COG5: variants seen among roughly 807,000 people sequenced by gnomAD.
COG5 encodes conserved oligomeric Golgi complex subunit 5.
Under a neutral mutation model 110.4 loss-of-function variants are expected in COG5, and 86 were observed. The observed-to-expected ratio is 0.78, with a 90% CI of 0.65 to 0.93. COG5 has a LOEUF of 0.93. Among genes scored for constraint, COG5 ranks in the 40% least tolerant of loss-of-function variants. The pLI, the probability that COG5 is intolerant of heterozygous loss-of-function variation, is 0.00. For missense variants in COG5, 1,077 were observed against 987.0 expected (o/e 1.09, Z -1.22); for synonymous variants, 360 against 334.6 (o/e 1.08, Z -0.83).
chr7:107,233,702 G>T (rs1800941547), intron 18 of COG5, among the ~76,000 whole-genome samples: 1 of 152,052 alleles, frequency 6.6e-6, no homozygotes, highest in Non-Finnish European at 1.5e-5. Context: ...TTTGATTTCA[G>T]TGACCTCAAT....
intron 7 of COG5, among the ~76,000 whole-genome samples, chr7:107,384,626 G>A (rs1442529965): frequency 3.3e-5 from 5 of 152,142 alleles, no homozygotes; most frequent in Admixed American, 3.3e-4. Flanking sequence ...CTGAACTAAG[G>A]AAAAGTCCTG....
chr7:107,311,247 C>T lies in COG5; in HGVS notation c.1109-12901G>A, dbSNP rs924695623. The stretch of plus-strand genomic sequence containing the variant: ...AATGTGTGAGACTGACTTTTCCTCA[C>T]GGGCTTGCCAATAGAGTATGTTATC... On this transcript the variant is annotated intron_variant, in intron 11 of 21. Coordinates refer to ENST00000297135, the MANE Select transcript of COG5 (RefSeq NM_006348.5). Among the ~76,000 whole-genome samples the T allele has an allele frequency of 3.9e-5, 6 of 152,008 alleles. No homozygotes were observed. In the East Asian group the frequency reaches 5.8e-4, roughly 15 times the overall value.
intron 12 of COG5, among the ~76,000 whole-genome samples, chr7:107,293,183 A>G (rs1562954381): frequency 6.6e-6 from 1 of 152,176 alleles, no homozygotes; most frequent in Non-Finnish European, 1.5e-5. Context: ...GGCAAAGGTA[A>G]TTAGGGCCCC....
chr7:107,266,126 CT>C (rs1803782494), intron 14 of COG5, among the ~76,000 whole-genome samples: 3 of 151,984 alleles, frequency 2.0e-5, no homozygotes, highest in Admixed American at 1.3e-4. Flanking sequence ...AGAAATTATA[CT>C]TTATGTGGAA....
chr7:107,288,902 A>C (rs1805877015), intron 12 of COG5, among the ~76,000 whole-genome samples: 1 of 98,006 alleles, frequency 1.0e-5, no homozygotes, highest in Non-Finnish European at 2.1e-5. Context: ...ATGTTTTCTA[A>C]CAGAGATATA....
At chr7:107,210,244 A>G in intron 21 of COG5, 1 of 1,280,418 alleles carries the variant, frequency 7.8e-7, no homozygotes, top group Non-Finnish European at 9.9e-7. Flanking sequence ...GCAAATGATG[A>G]TTTTCAAAGG....
chr7:107,381,307 A>C (rs1024352615), intron 7 of COG5, among the ~76,000 whole-genome samples: 1 of 152,200 alleles, frequency 6.6e-6, no homozygotes, highest in Non-Finnish European at 1.5e-5. Context: ...AATGTCTAGA[A>C]AAGAGAGGTA....
intron 6 of COG5, among the ~76,000 whole-genome samples, chr7:107,465,915 G>C (rs1276678626): frequency 6.6e-6 from 1 of 152,090 alleles, no homozygotes; most frequent in Non-Finnish European, 1.5e-5. Flanking sequence ...CACAGCATAA[G>C]AGTCATAACA....
rs761954378 is a variant in COG5 at position 107,558,060 on chromosome 7, T to C, written c.150A>G (p.Gln50=). Residue 50 remains glutamine, a synonymous_variant, in exon 2 of 22, where the codon CAA becomes CAG. Transcript: ENST00000297135. Reference sequence around the variant, plus strand: ...CAGCAATTACAGCTTGATGAATAGATTGAGAAGTATAAGTCTTTACATCAA... The same window carrying C: ...CAGCAATTACAGCTTGATGAATAGACTGAGAAGTATAAGTCTTTACATCAA... ...EDFDVKTYTS[Q]SIHQAVIAEQ... 2.5e-6 allele frequency: 4 copies of C among 1,613,862 alleles called. No homozygotes were observed. The highest frequency in any genetic ancestry group is 1.1e-5 in the South Asian group (1 of 91,080).
chr7:107,499,794 A>G (rs2712199), intron 6 of COG5, among the ~76,000 whole-genome samples: 44,315 of 151,940 alleles, frequency 0.29, 6,550 homozygotes, highest in East Asian at 0.33. Flanking sequence ...GTGTATCTCA[A>G]TTTCAAAGTT....
chr7:107,281,373 G>GT lies in COG5; in HGVS notation c.1501dup (p.Thr501AsnfsTer41), dbSNP rs749851474. ...TTTTGACACAGCTAATGTGAGGTTT[G>GT]TATCAACAGCAGCAACATTTAGTTC... On this transcript the variant is annotated frameshift_variant, in exon 14 of 22. Transcript: ENST00000297135. LOFTEE classifies it high-confidence loss of function. 7 of 1,613,176 alleles carry GT rather than the reference G, an allele frequency of 4.3e-6. No homozygotes were observed. In the East Asian group the frequency reaches 1.3e-4, roughly 31 times the overall value.
intron 6 of COG5, among the ~76,000 whole-genome samples, chr7:107,502,676 T>C (rs113527368): frequency 0.02 from 3,029 of 152,138 alleles, 104 homozygotes; most frequent in African/African-American, 0.068. Context: ...CAAACATCTA[T>C]TGTATTTTGA....
chr7:107,422,276 A>G (rs1394911831), intron 6 of COG5, among the ~76,000 whole-genome samples: 1 of 152,218 alleles, frequency 6.6e-6, no homozygotes, highest in Non-Finnish European at 1.5e-5. Flanking sequence ...CATATTTGCT[A>G]TGAGTATTTT....
intron 11 of COG5, among the ~76,000 whole-genome samples, chr7:107,306,309 T>A (rs1487863970): frequency 6.6e-6 from 1 of 152,178 alleles, no homozygotes; most frequent in Non-Finnish European, 1.5e-5. Flanking sequence ...AGTTAATGTT[T>A]TTCATCATTC....
intron 12 of COG5, among the ~76,000 whole-genome samples, chr7:107,290,009 C>G (rs1343289605): frequency 6.6e-6 from 1 of 152,138 alleles, no homozygotes; most frequent in Non-Finnish European, 1.5e-5. Context: ...TCACCCTGAT[C>G]CTGTAAATTA....
chr7:107,348,857 A>G (rs970639404), intron 10 of COG5, among the ~76,000 whole-genome samples: 1 of 151,930 alleles, frequency 6.6e-6, no homozygotes, highest in Middle Eastern at 3.4e-3. Context: ...TCAATATTAG[A>G]ATTTTTCTTT....
chr7:107,552,909 C>A (rs577507322), intron 3 of COG5, among the ~76,000 whole-genome samples: 1 of 152,114 alleles, frequency 6.6e-6, no homozygotes, highest in African/African-American at 2.4e-5. Flanking sequence ...TACATATATA[C>A]CATGGATACT....
chr7:107,419,172 A>G (rs957276881), intron 6 of COG5, among the ~76,000 whole-genome samples: 1 of 152,206 alleles, frequency 6.6e-6, no homozygotes, highest in African/African-American at 2.4e-5. Flanking sequence ...AGTAAAATAA[A>G]ATTATAAGGC....
At chr7:107,208,930 C>T in intron 21 of COG5, 1 of 985,110 alleles carries the variant, frequency 1.0e-6, no homozygotes, top group Non-Finnish European at 1.2e-6. Flanking sequence ...GGGTTCACGC[C>T]CTTGGCTGCA....
Sources: gnomAD v4.1 joint callset for allele counts (sites outside exome capture counted in the v4.1 genomes callset) on GRCh38, gnomAD v4.1.1 for gene constraint, MANE v1.5 for transcripts, NCBI Gene and HGNC (gene_info 2026-07-23, HGNC 2026-07-21) for gene names.